POLL: variants seen among roughly 807,000 people sequenced by gnomAD.
The protein encoded by POLL is DNA polymerase lambda, also known as DNA polymerase beta-2.
A neutral mutation model predicts 58.1 loss-of-function variants in POLL; 44 were observed. The observed-to-expected ratio is 0.76, with a 90% CI of 0.60 to 0.97. The LOEUF is 0.97. Ranked by LOEUF, POLL falls within the 50% of genes least tolerant of loss-of-function variation. The pLI, the probability that POLL is intolerant of heterozygous loss-of-function variation, is 0.00. For missense variants in POLL, 632 were observed against 736.8 expected, an observed-to-expected ratio of 0.86 and a Z score of 1.65; for synonymous variants, 290 against 283.2, an observed-to-expected ratio of 1.02 and a Z score of -0.24.
At position 101,579,933 on chromosome 10, in the gene POLL, ACT is replaced by A; in HGVS notation, c.1364-118_1364-117del. 8.7e-7 allele frequency: 1 copy of A among 1,154,758 alleles called. No individual in the cohort carries two copies. Among genetic ancestry groups the A allele is most frequent in the Non-Finnish European group, 1.2e-6 (1 of 826,396 alleles). 71.5% of individuals were successfully genotyped at this position (1,154,758 alleles called of 1,614,324 possible). On this transcript the variant is annotated intron_variant, in intron 8 of 8. Coordinates refer to ENST00000370162, the MANE Select transcript of POLL (RefSeq NM_001174084.2). This position sits in a 1 kb window ranked among gnomAD's most constrained non-coding sequence, Gnocchi z 4.4. ...CTTGCCCAGGTATTAGCTGGGTGAC[ACT>A]ACCCTCTCTGGGCCCTTCTCCTTTT...
At position 101,579,944 on chromosome 10, in the gene POLL, T is replaced by C. The variant is rs891181098; in HGVS notation, c.1364-127A>G. On this transcript the variant is annotated intron_variant, in intron 8 of 8. Transcript: ENST00000370162. The surrounding 1 kb of genome is among the most constrained non-coding windows in gnomAD (Gnocchi z 4.4). Reference sequence around the variant, plus strand: ...ATTAGCTGGGTGACACTACCCTCTCTGGGCCCTTCTCCTTTTCTGTAAAAC... The same window carrying C: ...ATTAGCTGGGTGACACTACCCTCTCCGGGCCCTTCTCCTTTTCTGTAAAAC... 9.9e-7 allele frequency: 1 copy of C among 1,008,946 alleles called. No homozygotes were observed. The allele number at this position is 1,008,946 out of a possible 1,614,324, so 62.5% of individuals were successfully genotyped here. A position where few individuals can be genotyped will look rare whatever the true frequency, so the allele number is the denominator to read the frequency against.
chr10:101,587,169 C>T (rs150824124), intron 2 of POLL, 77 bp downstream of exon 2: 46 of 1,611,864 alleles, frequency 2.9e-5, no homozygotes, highest in Admixed American at 8.3e-5. Context: ...TGATTCTGGA[C>T]ATAAACAACG....
intron 1 of POLL, 195 bp from the exon 2 acceptor site, chr10:101,587,601 C>A: frequency 8.7e-7 from 1 of 1,151,374 alleles, no homozygotes; most frequent in Non-Finnish European, 1.2e-6. Context: ...TGGAGTATTA[C>A]GGGAAATGAG....
rs1201770213 is a variant in POLL at position 101,584,836 on chromosome 10, G to A, written c.657C>T (p.Tyr219=). Residue 219 remains tyrosine (Y), a synonymous_variant, in exon 5 of 9, where the codon TAC becomes TAT. Coordinates refer to ENST00000370162, the MANE Select transcript of POLL (RefSeq NM_001174084.2). Reference sequence around the variant, plus strand: ...CACAATCTCCCTCAAGGGAGGTGGGGTAGTGGCCACTGATGAGGGCTTCCA... The same window carrying A: ...CACAATCTCCCTCAAGGGAGGTGGGATAGTGGCCACTGATGAGGGCTTCCA... ...ADLEALISGH[Y]PTSLEGDCEP... is the part of the protein sequence containing the mutation. 27 of 1,531,878 alleles carry A rather than the reference G, an allele frequency of 1.8e-5. No homozygotes were observed. Among genetic ancestry groups the A allele is most frequent in the Non-Finnish European group, 2.4e-5 (27 of 1,135,450 alleles). The allele number at this position is 1,531,878 out of a possible 1,614,324, so 94.9% of individuals were successfully genotyped here.
rs200725469 is a variant in POLL, at chr10:101,580,430, C to T, written c.1195-14G>A. 3.7e-6 allele frequency: 6 copies of T among 1,611,838 alleles called. No homozygotes were observed. Among genetic ancestry groups the T allele is most frequent in the South Asian group, 3.3e-5 (3 of 90,914 alleles). On this transcript the variant is annotated splice_polypyrimidine_tract_variant and intron_variant, in intron 7 of 8. Coordinates refer to ENST00000370162, the MANE Select transcript of POLL (RefSeq NM_001174084.2). This position sits in a 1 kb window ranked among gnomAD's most constrained non-coding sequence, Gnocchi z 4.1. The stretch of plus-strand genomic sequence containing the variant: ...TGCTTTCTGGACCTGGGAAAGAGAG[C>T]GGTGACAGGTGAGGGGCTGTGCGTG...
intron 2 of POLL, among the ~76,000 whole-genome samples, chr10:101,586,933 A>C (rs1404646727): frequency 2.0e-5 from 3 of 152,162 alleles, no homozygotes; most frequent in African/African-American, 7.2e-5. Context: ...AACAACTAAC[A>C]ACAAGCCTGG....
At position 101,586,151 on chromosome 10, in the gene POLL, G is replaced by A; in HGVS notation, c.121C>T (p.Leu41=). The A allele has an allele frequency of 1.2e-6, 2 of 1,609,910 alleles. No individual in the cohort carries two copies. Among genetic ancestry groups the A allele is most frequent in the Non-Finnish European group, 1.7e-6 (2 of 1,177,418 alleles). Residue 41 remains leucine (L), a synonymous_variant, in exon 3 of 9, where the codon CTG becomes TTG. Coordinates refer to ENST00000370162, the MANE Select transcript of POLL (RefSeq NM_001174084.2). ...REEGEEAEEW[L]SSLRAHVVRT... ...ACAACATGGGCCCGAAGGGAGCTCA[G>A]CCACTCTGTGGAAGGAACATCCAGA...
At position 101,583,686 on chromosome 10, in the gene POLL, A is replaced by G. The variant is rs746898236; in HGVS notation, c.892-5T>C. 7 of 1,610,612 alleles carry G rather than the reference A, an allele frequency of 4.3e-6. No individual in the cohort carries two copies. In the South Asian group the frequency reaches 6.6e-5, roughly 15 times the overall value. On this transcript the variant is annotated splice_polypyrimidine_tract_variant and splice_region_variant and intron_variant, in intron 5 of 8. Coordinates refer to ENST00000370162, the MANE Select transcript of POLL (RefSeq NM_001174084.2). Reference sequence around the variant, plus strand: ...CCCAGGGATACTGCAGGCCTCCTAGAGGAGGAGGAGGCAGAGGCAAGAAAG... The same window carrying G: ...CCCAGGGATACTGCAGGCCTCCTAGGGGAGGAGGAGGCAGAGGCAAGAAAG...
intron 4 of POLL, 66 bp downstream of exon 4, chr10:101,585,250 G>T: frequency 7.2e-7 from 1 of 1,393,036 alleles, no homozygotes; most frequent in Non-Finnish European, 9.7e-7. Context: ...CAGCCACCAG[G>T]CCCACCCCAT....
chr10:101,585,253 C>T, intron 4 of POLL, 63 bp downstream of exon 4: 4 of 1,408,248 alleles, frequency 2.8e-6, no homozygotes, highest in Admixed American at 2.4e-5. Context: ...CCACCAGGCC[C>T]ACCCCATTTC....
Position 101,580,351 on chromosome 10 carries a change from C to T in POLL, c.1260G>A (p.Arg420=). ...LLCVACGSYR[R]GKATCGDVDV... ...CGACATCACCACAGGTCGCCTTTCC[C>T]CGTCGGTATGAACCACATGCCACAC... is the stretch of plus-strand genomic sequence containing the variant. The change falls in exon 8 of 9, where the codon CGG becomes CGA. Residue 420 remains arginine (R), a synonymous_variant. Coordinates refer to ENST00000370162, the MANE Select transcript of POLL (RefSeq NM_001174084.2). The surrounding 1 kb of genome is among the most constrained non-coding windows in gnomAD (Gnocchi z 4.1). The T allele has an allele frequency of 1.2e-6, 2 of 1,614,070 alleles. No individual in the cohort carries two copies. The highest frequency in any genetic ancestry group is 1.7e-6 in the Non-Finnish European group (2 of 1,180,004).
chr10:101,585,007 G>T, intron 4 of POLL, 88 bp from the exon 5 acceptor site: 1 of 888,868 alleles, frequency 1.1e-6, no homozygotes, highest in Non-Finnish European at 1.6e-6. Flanking sequence ...CTTTGTGCGG[G>T]GGGAGGGTCT....
Position 101,585,312 on chromosome 10 carries a change from T to C in POLL, c.573+4A>G. Reference sequence around the variant, plus strand: ...GGAGTTCTGAGGGATGGGAGGCTCCTGACCTGGGCTTGGGTGTTTGGTGCC... The same window carrying C: ...GGAGTTCTGAGGGATGGGAGGCTCCCGACCTGGGCTTGGGTGTTTGGTGCC... On this transcript the variant is annotated splice_donor_region_variant and intron_variant, in intron 4 of 8. Coordinates refer to ENST00000370162, the MANE Select transcript of POLL (RefSeq NM_001174084.2). 6.5e-7 allele frequency: 1 copy of C among 1,544,064 alleles called. No individual in the cohort carries two copies. Among genetic ancestry groups the C allele is most frequent in the Non-Finnish European group, 8.7e-7 (1 of 1,146,284 alleles).
At chr10:101,587,565 C>T in intron 1 of POLL, 159 bp from the exon 2 acceptor site, 2 of 1,342,110 alleles carry the variant, frequency 1.5e-6, no homozygotes, top group Non-Finnish European at 2.0e-6. Context: ...TTTAGCCTAG[C>T]TTCACACTCC....
Position 101,580,408 on chromosome 10 carries a change from T to C in POLL, c.1203A>G (p.Lys401=). 1 of 1,613,510 alleles carries C rather than the reference T, an allele frequency of 6.2e-7. No homozygotes were observed. The highest frequency in any genetic ancestry group is 1.1e-5 in the South Asian group (1 of 91,052). Residue 401 remains lysine, a synonymous_variant, in exon 8 of 9, where the codon AAA becomes AAG. Transcript: ENST00000370162. This position sits in a 1 kb window ranked among gnomAD's most constrained non-coding sequence, Gnocchi z 4.1. ...GCCCAGAGTTAAAGGCCTGGGCTGC[T>C]TTCTGGACCTGGGAAAGAGAGCGGT... ...EATEIEQTVQ[K]AAQAFNSGLL... is the part of the protein sequence containing the mutation.
In POLL at chr10:101,579,018, TCTC is replaced by T; in HGVS notation, c.*432_*434del. ...GAGGGAACACATGTGGAATGGCTGT[TCTC>T]CTACCCCAGAGGGTGCCGGATGATG... On this transcript the variant is annotated 3_prime_UTR_variant, in exon 9 of 9. Transcript: ENST00000370162. This position sits in a 1 kb window ranked among gnomAD's most constrained non-coding sequence, Gnocchi z 4.4. The T allele has an allele frequency of 4.9e-6, 1 of 205,798 alleles. No individual in the cohort carries two copies. The highest frequency in any genetic ancestry group is 9.9e-6 in the Non-Finnish European group (1 of 100,800). The allele number at this position is 205,798 out of a possible 1,614,324, so 12.7% of individuals were successfully genotyped here. A position where few individuals can be genotyped will look rare whatever the true frequency, so the allele number is the denominator to read the frequency against.
chr10:101,580,333 A>C lies in POLL; in HGVS notation c.1278T>G (p.Gly426=). ...GGTGAGTGATGAGCACGTCGACATC[A>C]CCACAGGTCGCCTTTCCCCGTCGGT... ...GSYRRGKATC[G]DVDVLITHPD... The change falls in exon 8 of 9, where the codon GGT becomes GGG. Residue 426 remains glycine (G), a synonymous_variant. Coordinates refer to ENST00000370162, the MANE Select transcript of POLL (RefSeq NM_001174084.2). This position sits in a 1 kb window ranked among gnomAD's most constrained non-coding sequence, Gnocchi z 4.1. 1 of 1,614,002 alleles carries C rather than the reference A, an allele frequency of 6.2e-7. No homozygotes were observed. Among genetic ancestry groups the C allele is most frequent in the Admixed American group, 1.7e-5 (1 of 60,022 alleles).
In POLL at chr10:101,588,188, G is replaced by A. The variant is rs761700942; in HGVS notation, c.-413C>T. ...CAAGCTAGTCACCCGGGGGTGGGCAGGAATAGACCACTTACCAGCAGAGCC... is the reference window on the plus strand; with the variant it reads ...CAAGCTAGTCACCCGGGGGTGGGCAAGAATAGACCACTTACCAGCAGAGCC... On this transcript the variant is annotated 5_prime_UTR_variant, in exon 1 of 9. Transcript: ENST00000370162. The A allele has an allele frequency of 9.1e-6, 14 of 1,533,164 alleles. No individual in the cohort carries two copies. In the South Asian group the frequency reaches 1.7e-4, roughly 19 times the overall value. 95.0% of individuals were successfully genotyped at this position (1,533,164 alleles called of 1,614,324 possible).
At chr10:101,587,676 T>A in intron 1 of POLL, 146 bp downstream of exon 1, 5 of 979,682 alleles carry the variant, frequency 5.1e-6, no homozygotes, top group Non-Finnish European at 6.8e-6. Flanking sequence ...CTCAGAGGGG[T>A]TGCGCTAAAG....
Sources: allele counts gnomAD v4.1 joint callset (sites outside exome capture counted in the v4.1 genomes callset), GRCh38; gene constraint gnomAD v4.1.1; non-coding constraint Gnocchi (gnomAD v3.1); transcripts MANE v1.5; gene names NCBI Gene and HGNC (gene_info 2026-07-23, HGNC 2026-07-21).